Variants in FAT3 observed in about 807,000 individuals in gnomAD.
The protein encoded by FAT3 is FAT atypical cadherin 3.
Under a neutral mutation model 310.2 loss-of-function variants are expected in FAT3, and 95 were observed. That is an observed-to-expected ratio of 0.31 (90% CI 0.26 to 0.36). The LOEUF is 0.36. Among genes scored for constraint, FAT3 ranks in the 10% least tolerant of loss-of-function variants. The pLI, the probability that FAT3 is intolerant of heterozygous loss-of-function variation, is 1.00. For missense variants in FAT3, 5,408 were observed against 5,715.6 expected, an observed-to-expected ratio of 0.95 and a Z score of 1.74; for synonymous variants, 2,314 against 2,192.9, an observed-to-expected ratio of 1.06 and a Z score of -1.54.
At chr11:92,855,040 T>C (rs1209677237) in intron 19 of FAT3, among the ~76,000 whole-genome samples, 2 of 152,232 alleles carry the variant, frequency 1.3e-5, no homozygotes, top group Non-Finnish European at 2.9e-5. Flanking sequence ...TTGTGATTCA[T>C]ATGTGTACAT....
At chr11:92,809,602 A>G (rs1229998377) in intron 12 of FAT3, among the ~76,000 whole-genome samples, 1 of 152,194 alleles carries the variant, frequency 6.6e-6, no homozygotes, top group Non-Finnish European at 1.5e-5. Flanking sequence ...AGCGGTTTCA[A>G]AAAGGGATTA....
chr11:92,353,734 A>G lies in FAT3; in HGVS notation c.1622A>G (p.Glu541Gly), dbSNP rs765921423. ...TEELDFESSP[E>G]IYRFIVRASD... is the part of the protein sequence containing the mutation. The stretch of plus-strand genomic sequence containing the variant: ...GAACTGGATTTTGAATCCTCCCCAG[A>G]AATTTACAGATTCATTGTTAGAGCC... The change falls in exon 2 of 28, where the codon GAA (glutamate) becomes GGA (glycine). Residue 541 changes from glutamate to glycine, a missense_variant. Coordinates refer to ENST00000525166, the MANE Select transcript of FAT3 (RefSeq NM_001367949.2). 6.2e-7 allele frequency: 1 copy of G among 1,613,908 alleles called. No homozygotes were observed. The highest frequency in any genetic ancestry group is 2.2e-5 in the East Asian group (1 of 44,878).
chr11:92,786,448 A>G (rs1456836859), intron 7 of FAT3, among the ~76,000 whole-genome samples: 1 of 152,106 alleles, frequency 6.6e-6, no homozygotes, highest in Non-Finnish European at 1.5e-5. Flanking sequence ...ATGAGATACA[A>G]ATAATTTAAC....
chr11:92,371,450 C>T (rs1949184312), intron 2 of FAT3, among the ~76,000 whole-genome samples: 1 of 152,220 alleles, frequency 6.6e-6, no homozygotes, highest in African/African-American at 2.4e-5. Context: ...CAGGTAGTGG[C>T]TTATGCCTAT....
chr11:92,738,271 A>G (rs919828970), intron 4 of FAT3, among the ~76,000 whole-genome samples: 1 of 152,168 alleles, frequency 6.6e-6, no homozygotes, highest in Non-Finnish European at 1.5e-5. Flanking sequence ...CTGCAGGGAC[A>G]TTTAATTCCC....
At chr11:92,266,778 C>T (rs1945968449) in intron 1 of FAT3, among the ~76,000 whole-genome samples, 1 of 152,044 alleles carries the variant, frequency 6.6e-6, no homozygotes, top group African/African-American at 2.4e-5. Flanking sequence ...GAATATTTGC[C>T]AGAAGTTTTA....
At chr11:92,434,561 A>G (rs1950883262) in intron 2 of FAT3, among the ~76,000 whole-genome samples, 1 of 152,064 alleles carries the variant, frequency 6.6e-6, no homozygotes, top group African/African-American at 2.4e-5. Flanking sequence ...TGCACCTGAC[A>G]TTTTCCAGTC....
At chr11:92,328,935 C>T (rs759272441) in intron 1 of FAT3, among the ~76,000 whole-genome samples, 5 of 151,988 alleles carry the variant, frequency 3.3e-5, no homozygotes, top group African/African-American at 4.8e-5. Flanking sequence ...AGGCCACCAT[C>T]GACTTTGAGG....
rs2136398888 is a variant in FAT3 at position 92,880,852 on chromosome 11, C to A, written c.12249C>A (p.Ile4083=). ...GSCDPIGNTF[I]CNCKAGLTGV... ...GCGATCCAATAGGAAACACTTTCAT[C>A]TGCAATTGTAAAGCTGGGCTCACTG... Residue 4083 remains isoleucine, a synonymous_variant, in exon 23 of 28, where the codon ATC becomes ATA. Coordinates refer to ENST00000525166, the MANE Select transcript of FAT3 (RefSeq NM_001367949.2). 6.2e-7 allele frequency: 1 copy of A among 1,613,982 alleles called. No homozygotes were observed. Among genetic ancestry groups the A allele is most frequent in the Non-Finnish European group, 8.5e-7 (1 of 1,179,872 alleles).
chr11:92,868,983 G>T (rs900293808), intron 22 of FAT3, among the ~76,000 whole-genome samples: 1 of 152,082 alleles, frequency 6.6e-6, no homozygotes, highest in African/African-American at 2.4e-5. Context: ...GCCCTCCCTA[G>T]GGCCCCAGCC....
chr11:92,401,237 G>A (rs1481329770), intron 2 of FAT3, among the ~76,000 whole-genome samples: 1 of 152,150 alleles, frequency 6.6e-6, no homozygotes, highest in Non-Finnish European at 1.5e-5. Context: ...CCTGGGAGTT[G>A]CTGTCTAAGG....
chr11:92,296,674 G>A (rs553236645), intron 1 of FAT3, among the ~76,000 whole-genome samples: 2 of 152,076 alleles, frequency 1.3e-5, no homozygotes, highest in Non-Finnish European at 2.9e-5. Flanking sequence ...ATGTCTCAAA[G>A]CACTGTGAAA....
chr11:92,294,433 T>C (rs1565207414), intron 1 of FAT3, among the ~76,000 whole-genome samples: 1 of 152,010 alleles, frequency 6.6e-6, no homozygotes, highest in East Asian at 1.9e-4. Context: ...TGCTGACTTT[T>C]GTTGTACTGC....
At chr11:92,275,550 A>T (rs1324069051) in intron 1 of FAT3, among the ~76,000 whole-genome samples, 1 of 151,838 alleles carries the variant, frequency 6.6e-6, no homozygotes, top group Admixed American at 6.6e-5. Flanking sequence ...CTGTTTCCTT[A>T]CTTTCTTTCA....
At chr11:92,722,367 C>T (rs559083021) in intron 4 of FAT3, among the ~76,000 whole-genome samples, 1 of 152,338 alleles carries the variant, frequency 6.6e-6, no homozygotes, top group Admixed American at 6.5e-5. Flanking sequence ...CCAGGTCATG[C>T]TGATACAAGG....
chr11:92,535,809 T>C (rs1466048180), intron 3 of FAT3, among the ~76,000 whole-genome samples: 1 of 152,144 alleles, frequency 6.6e-6, no homozygotes, highest in East Asian at 1.9e-4. Flanking sequence ...GATAACACCA[T>C]CATTTCTTAC....
At chr11:92,562,005 A>G (rs977924661) in intron 3 of FAT3, among the ~76,000 whole-genome samples, 1 of 152,192 alleles carries the variant, frequency 6.6e-6, no homozygotes, top group Non-Finnish European at 1.5e-5. Flanking sequence ...ACATTTATTC[A>G]TTAAAGTGGG....
intron 3 of FAT3, among the ~76,000 whole-genome samples, chr11:92,651,181 A>C (rs1406496660): frequency 6.6e-6 from 1 of 152,216 alleles, no homozygotes; most frequent in Non-Finnish European, 1.5e-5. Context: ...CTGTTCACAA[A>C]AGAGTCTGCT....
At chr11:92,590,565 T>C (rs1026939967) in intron 3 of FAT3, among the ~76,000 whole-genome samples, 11 of 152,120 alleles carry the variant, frequency 7.2e-5, no homozygotes, top group African/African-American at 2.4e-4. Flanking sequence ...TTTTAGTTAA[T>C]TATCACTACC....
Sources: allele counts gnomAD v4.1 joint callset (sites outside exome capture counted in the v4.1 genomes callset), GRCh38; gene constraint gnomAD v4.1.1; transcripts MANE v1.5; gene names NCBI Gene and HGNC (gene_info 2026-07-23, HGNC 2026-07-21).